Variants in RIPK4 observed in about 807,000 individuals in gnomAD.
RIPK4 encodes the protein receptor interacting serine/threonine kinase 4.
Under a neutral mutation model 42.9 loss-of-function variants are expected in RIPK4, and 17 were observed. The ratio of observed to expected loss-of-function variants is 0.40; its 90% CI spans 0.27 to 0.59. The LOEUF is 0.59. Ranked by LOEUF, RIPK4 falls within the 20% of genes least tolerant of loss-of-function variation. RIPK4 has a pLI of 0.47. For missense variants in RIPK4, 897 were observed against 1,104.4 expected, an observed-to-expected ratio of 0.81 and a Z score of 2.66; for synonymous variants, 498 against 499.1, an observed-to-expected ratio of 1.00 and a Z score of 0.03.
At position 41,741,944 on chromosome 21, in the gene RIPK4, C is replaced by T. The variant is rs749690594; in HGVS notation, c.1249G>A (p.Gly417Arg). The T allele has an allele frequency of 3.1e-5, 50 of 1,609,756 alleles. No homozygotes were observed. The highest frequency in any genetic ancestry group is 4.0e-5 in the Non-Finnish European group (47 of 1,177,278). Residue 417 changes from glycine to arginine, a missense_variant, in exon 8 of 8, where the codon GGG (glycine) becomes AGG (arginine). Physicochemically the swap from Gly to Arg is moderately radical, Grantham distance 125 (BLOSUM62 -2). Transcript: ENST00000332512. The part of the protein sequence containing the change: ...KKKLVDAIVS[G>R]DTSKLMKILQ... ...ATCTTCATCAGTTTGCTGGTGTCCC[C>T]GGACACGATGGCATCCACAAGCTTC...
chr21:41,752,888 C>T (rs2061192704), intron 2 of RIPK4, among the ~76,000 whole-genome samples: 1 of 152,146 alleles, frequency 6.6e-6, no homozygotes, highest in South Asian at 2.1e-4. Context: ...GTCTTAAAAC[C>T]TAGGTGATAA....
chr21:41,741,041 C>A lies in RIPK4; in HGVS notation c.2152G>T (p.Val718Leu). The A allele has an allele frequency of 6.2e-7, 1 of 1,609,812 alleles. No individual in the cohort carries two copies. Among genetic ancestry groups the A allele is most frequent in the Non-Finnish European group, 8.5e-7 (1 of 1,179,254 alleles). ...TCGGCGCTGACCAACTCCTCCACCA[C>A]CTCCGAGTGCCCGTGGGCGGCAGCC... ...HLAAAHGHSE[V>L]VEELVSADVI... Residue 718 changes from valine to leucine, a missense_variant, in exon 8 of 8, where the codon GTG becomes TTG. Transcript: ENST00000332512.
At chr21:41,757,948 G>C (rs1321177590) in intron 1 of RIPK4, among the ~76,000 whole-genome samples, 3 of 135,988 alleles carry the variant, frequency 2.2e-5, no homozygotes, top group Non-Finnish European at 4.6e-5. Context: ...ACAGTGAGCC[G>C]AGATCGCGCC....
chr21:41,739,531 C>T lies in RIPK4; in HGVS notation c.*1307G>A, dbSNP rs182484395. 1.1e-4 allele frequency: 17 copies of T among 152,370 alleles called. No individual in the cohort carries two copies. Among genetic ancestry groups the T allele is most frequent in the African/African-American group, 4.1e-4 (17 of 41,588 alleles). 9.4% of individuals were successfully genotyped at this position (152,370 alleles called of 1,614,324 possible). On this transcript the variant is annotated 3_prime_UTR_variant, in exon 8 of 8. Transcript: ENST00000332512. ...CTGCCATGGAAAAGTATCCTGCCCA[C>T]AGATTCACATTAACATACATGGTAC...
chr21:41,746,579 A>G, intron 5 of RIPK4, 34 bp downstream of exon 5: 1 of 1,606,598 alleles, frequency 6.2e-7, no homozygotes, highest in Non-Finnish European at 8.5e-7. Flanking sequence ...TGTGACACCC[A>G]CAGAATGTGG....
chr21:41,743,922 T>A lies in RIPK4; in HGVS notation c.1155A>T (p.Gly385=), dbSNP rs371208443. ...SSVDSAFSSR[G]SLSLSFEREP... is the part of the protein sequence containing the mutation. ...CCCGCTCAAAGGACAGCGACAGTGA[T>A]CCTCTGGAAGAGAAGGCGGAGTCCA... Residue 385 remains glycine, a synonymous_variant, in exon 7 of 8, where the codon GGA becomes GGT. Coordinates refer to ENST00000332512, the MANE Select transcript of RIPK4 (RefSeq NM_020639.3). The A allele has an allele frequency of 3.7e-6, 6 of 1,611,808 alleles. No individual in the cohort carries two copies. The African/African-American group carries it at 5.3e-5, about 14-fold the overall frequency.
At chr21:41,754,440 T>G (rs1232019194) in intron 2 of RIPK4, among the ~76,000 whole-genome samples, 2 of 152,188 alleles carry the variant, frequency 1.3e-5, no homozygotes, top group Non-Finnish European at 2.9e-5. Context: ...CACAGGGCCC[T>G]AAGATGTCCC....
chr21:41,757,998 C>CCAAAAAAAAAA lies in RIPK4; in HGVS notation c.183-1183_183-1182insTTTTTTTTTTG, dbSNP rs1479763213. ...TGGGCGACACAGAGAGACTCCATAA[C>CCAAAAAAAAAA]AAAAAAAAAAAAAAAAAAAAAAAAT... On this transcript the variant is annotated intron_variant, in intron 1 of 7. Coordinates refer to ENST00000332512, the MANE Select transcript of RIPK4 (RefSeq NM_020639.3). Among the ~76,000 whole-genome samples, 11 of 13,080 alleles carry CCAAAAAAAAAA rather than the reference C, an allele frequency of 8.4e-4. 1 individual carries two copies. The highest frequency in any genetic ancestry group is 4.8e-3 in the African/African-American group (11 of 2,286). The allele number at this position is 13,080 out of a possible 152,430, so 8.6% of individuals were successfully genotyped here. A position where few individuals can be genotyped will look rare whatever the true frequency, so the allele number is the denominator to read the frequency against.
At chr21:41,745,598 C>T (rs920269076) in intron 6 of RIPK4, among the ~76,000 whole-genome samples, 161 bp downstream of exon 6, 2 of 152,068 alleles carry the variant, frequency 1.3e-5, no homozygotes, top group Non-Finnish European at 2.9e-5. Context: ...TGGACCTGAG[C>T]CCCCATGGGA....
intron 1 of RIPK4, 119 bp from the exon 2 acceptor site, chr21:41,756,935 C>A: frequency 1.0e-6 from 1 of 959,638 alleles, no homozygotes; most frequent in Non-Finnish European, 1.5e-6. Flanking sequence ...CAAGTGCACA[C>A]ACATGGGGCA....
Position 41,739,586 on chromosome 21 carries a change from C to CCA in RIPK4, c.*1250_*1251dup. ...ATATCAATCTCTATCATATACCAGG[C>CCA]CACGGTACATGTTTGCACGCAGGGT... On this transcript the variant is annotated 3_prime_UTR_variant, in exon 8 of 8. Coordinates refer to ENST00000332512, the MANE Select transcript of RIPK4 (RefSeq NM_020639.3). The CCA allele has an allele frequency of 6.6e-6, 1 of 152,326 alleles. No homozygotes were observed. Among genetic ancestry groups the CCA allele is most frequent in the East Asian group, 1.9e-4 (1 of 5,188 alleles). The allele number at this position is 152,326 out of a possible 1,614,324, so 9.4% of individuals were successfully genotyped here. A position where few individuals can be genotyped will look rare whatever the true frequency, so the allele number is the denominator to read the frequency against.
rs375689297 is a variant in RIPK4 at position 41,744,062 on chromosome 21, G to A, written c.1015C>T (p.Leu339=). ...DYSLSELLSQ[L]DSGVSQAVEG... is the part of the protein sequence containing the mutation. The stretch of plus-strand genomic sequence containing the variant: ...ACAGCCTGGGAAACTCCAGAGTCCA[G>A]CTGTGAGAGCAGCTCGGAGAGGCTG... The change falls in exon 7 of 8, where the codon CTG becomes TTG. Residue 339 remains leucine, a synonymous_variant. Transcript: ENST00000332512. 1.5e-5 allele frequency: 24 copies of A among 1,612,694 alleles called. No homozygotes were observed. Among genetic ancestry groups the A allele is most frequent in the Non-Finnish European group, 2.0e-5 (24 of 1,179,750 alleles).
chr21:41,766,804 G>A, intron 1 of RIPK4, 56 bp downstream of exon 1: 1 of 1,543,944 alleles, frequency 6.5e-7, no homozygotes, highest in Non-Finnish European at 8.8e-7. Flanking sequence ...AGAGCACCCC[G>A]ACCCCGACCC....
In RIPK4 at chr21:41,742,508, C is replaced by T. The variant is rs140754515; in HGVS notation, c.1196-511G>A. ...ACCTCCTGACCTGGGGAGGTTAAGTCGGAAGTTTTCTATGATAATCCTGAA... is the reference window on the plus strand; with the variant it reads ...ACCTCCTGACCTGGGGAGGTTAAGTTGGAAGTTTTCTATGATAATCCTGAA... On this transcript the variant is annotated intron_variant, in intron 7 of 7. Coordinates refer to ENST00000332512, the MANE Select transcript of RIPK4 (RefSeq NM_020639.3). This position sits in a 1 kb window ranked among gnomAD's most constrained non-coding sequence, Gnocchi z 5.1. Among the ~76,000 whole-genome samples, 19 of 152,214 alleles carry T rather than the reference C, an allele frequency of 1.2e-4. No individual in the cohort carries two copies. Among genetic ancestry groups the T allele is most frequent in the African/African-American group, 3.4e-4 (14 of 41,534 alleles).
Position 41,741,272 on chromosome 21 carries a change from G to A in RIPK4, c.1921C>T (p.Leu641=), listed in dbSNP as rs947405573. The change falls in exon 8 of 8, where the codon CTG becomes TTG. Residue 641 remains leucine (L), a synonymous_variant. Transcript: ENST00000332512. Reference sequence around the variant, plus strand: ...TGCCCCGTCTCCGCGGCCACGTGCAGGGGTGTCTGTGCCAGCAGGCTGCAG... The same window carrying A: ...TGCCCCGTCTCCGCGGCCACGTGCAAGGGTGTCTGTGCCAGCAGGCTGCAG... The part of the protein sequence containing the change: ...NVCSLLAQTP[L]HVAAETGHTS... 2.8e-5 allele frequency: 45 copies of A among 1,608,402 alleles called. No individual in the cohort carries two copies. Among genetic ancestry groups the A allele is most frequent in the Non-Finnish European group, 3.7e-5 (44 of 1,179,638 alleles).
chr21:41,746,313 C>G, intron 5 of RIPK4: 2 of 596,096 alleles, frequency 3.4e-6, no homozygotes, highest in Non-Finnish European at 6.0e-6. Flanking sequence ...CCGGGAAGAG[C>G]ATGGCTGCAC....
chr21:41,746,279 G>GCCGGCCA (rs2061170924), intron 5 of RIPK4: 1 of 579,452 alleles, frequency 1.7e-6, no homozygotes, highest in South Asian at 1.9e-5. Context: ...GGGCGACGCC[G>GCCGGCCA]CCGGCCACCG....
At position 41,751,119 on chromosome 21, in the gene RIPK4, C is replaced by T. The variant is rs772901408; in HGVS notation, c.601G>A (p.Asp201Asn). 3.6e-5 allele frequency: 58 copies of T among 1,613,914 alleles called. No individual in the cohort carries two copies. The highest frequency in any genetic ancestry group is 5.3e-5 in the African/African-American group (4 of 74,910). ...ERIREKSRLF[D>N]TKHDVYSFAI... is the part of the protein sequence containing the mutation. The stretch of plus-strand genomic sequence containing the variant: ...CACCTGTATACATCGTGCTTGGTGT[C>T]GAAGAGCCGGCTCTTCTCCCTGATG... Residue 201 changes from aspartate to asparagine, a missense_variant, in exon 3 of 8, where the codon GAC becomes AAC. Transcript: ENST00000332512. This position sits in a 1 kb window ranked among gnomAD's most constrained non-coding sequence, Gnocchi z 4.5.
At chr21:41,764,845 C>G (rs151064415) in intron 1 of RIPK4, among the ~76,000 whole-genome samples, 39 of 152,342 alleles carry the variant, frequency 2.6e-4, no homozygotes, top group South Asian at 4.1e-4. Context: ...AAAGCCCCAA[C>G]CTACTCTACC....
Sources: gnomAD v4.1 joint callset for allele counts (sites outside exome capture counted in the v4.1 genomes callset) on GRCh38, gnomAD v4.1.1 for gene constraint, Gnocchi (gnomAD v3.1) non-coding constraint, MANE v1.5 for transcripts, NCBI Gene and HGNC (gene_info 2026-07-23, HGNC 2026-07-21) for gene names.